PARD3: variants seen among roughly 807,000 people sequenced by gnomAD.
The protein encoded by PARD3 is par-3 family cell polarity regulator.
In PARD3, 75 loss-of-function variants were observed where a neutral mutation model predicts 155.4. The ratio of observed to expected loss-of-function variants is 0.48; its 90% CI spans 0.40 to 0.58. PARD3 has a LOEUF of 0.58. PARD3 is among the 20% of genes least tolerant of loss of function. PARD3 has a pLI of 0.00. For missense variants in PARD3, 1,642 were observed against 1,721.7 expected (o/e 0.95, Z 0.82); for synonymous variants, 576 against 610.5 (o/e 0.94, Z 0.83).
At chr10:34,286,083 A>C (rs949974653) in intron 20 of PARD3, among the ~76,000 whole-genome samples, 2 of 152,358 alleles carry the variant, frequency 1.3e-5, no homozygotes, top group East Asian at 3.9e-4. Flanking sequence ...AAAATAAAAG[A>C]CTTTGCACTA....
intron 2 of PARD3, among the ~76,000 whole-genome samples, chr10:34,539,819 T>A (rs2083476603): frequency 1.3e-5 from 2 of 152,210 alleles, no homozygotes; most frequent in Admixed American, 6.5e-5. Context: ...CCCATTGGCT[T>A]CCTGAAATAG....
intron 22 of PARD3, among the ~76,000 whole-genome samples, chr10:34,134,673 A>G (rs1947800471): frequency 6.6e-6 from 1 of 152,194 alleles, no homozygotes; most frequent in Non-Finnish European, 1.5e-5. Context: ...AATACTCTAG[A>G]GAAAGCTGGC....
chr10:34,702,840 C>A (rs1019560432), intron 1 of PARD3, among the ~76,000 whole-genome samples: 2 of 152,050 alleles, frequency 1.3e-5, no homozygotes, highest in Admixed American at 1.3e-4. Flanking sequence ...TAGGTCAGAG[C>A]CAACCATGGA....
chr10:34,229,676 G>GT (rs769909900), intron 22 of PARD3, among the ~76,000 whole-genome samples: 1 of 115,254 alleles, frequency 8.7e-6, no homozygotes, highest in Non-Finnish European at 2.2e-5. Context: ...GTGTGTGTGT[G>GT]TGTGTGTGTG....
intron 4 of PARD3, among the ~76,000 whole-genome samples, chr10:34,465,273 C>A (rs1055288675): frequency 6.6e-6 from 1 of 152,082 alleles, no homozygotes; most frequent in African/African-American, 2.4e-5. Flanking sequence ...TCTATATACC[C>A]TTCATTACCG....
chr10:34,216,315 T>C (rs1028470131), intron 22 of PARD3, among the ~76,000 whole-genome samples: 1 of 152,204 alleles, frequency 6.6e-6, no homozygotes, highest in Non-Finnish European at 1.5e-5. Context: ...GATGATCTCT[T>C]TGGAAATTTT....
At chr10:34,488,554 C>G (rs1397040006) in intron 3 of PARD3, 1 of 152,218 alleles carries the variant, frequency 6.6e-6, no homozygotes, top group African/African-American at 2.4e-5. Context: ...AAGTGGGCCT[C>G]TCACGGACAC....
chr10:34,545,565 C>CT (rs1295661916), intron 2 of PARD3, among the ~76,000 whole-genome samples: 3 of 151,968 alleles, frequency 2.0e-5, no homozygotes, highest in African/African-American at 7.2e-5. Flanking sequence ...ACTTTATATC[C>CT]TTTTTTTGAG....
At chr10:34,602,173 C>T (rs2089841769) in intron 2 of PARD3, among the ~76,000 whole-genome samples, 1 of 152,154 alleles carries the variant, frequency 6.6e-6, no homozygotes, top group Non-Finnish European at 1.5e-5. Flanking sequence ...TTGCAGAAGA[C>T]TCAAAAGAGA....
chr10:34,657,386 A>G (rs1316230141), intron 2 of PARD3, among the ~76,000 whole-genome samples: 2 of 152,262 alleles, frequency 1.3e-5, no homozygotes, highest in South Asian at 2.1e-4. Flanking sequence ...TGAAATAATT[A>G]TTGTCCAAAA....
chr10:34,447,023 T>G (rs1034117553), intron 5 of PARD3, among the ~76,000 whole-genome samples: 2 of 152,186 alleles, frequency 1.3e-5, no homozygotes, highest in African/African-American at 4.8e-5. Context: ...CACCTTGCTT[T>G]CTATCCATAT....
chr10:34,790,715 C>T (rs528251518), intron 1 of PARD3, among the ~76,000 whole-genome samples: 1 of 152,128 alleles, frequency 6.6e-6, no homozygotes, highest in Non-Finnish European at 1.5e-5. Flanking sequence ...AATATTCCAG[C>T]AAATGTATCC....
chr10:34,163,883 C>T (rs920464738), intron 22 of PARD3, among the ~76,000 whole-genome samples: 3 of 152,142 alleles, frequency 2.0e-5, no homozygotes, highest in African/African-American at 7.2e-5. Flanking sequence ...ATAATGAATT[C>T]TTGTTATTCA....
chr10:34,287,351 C>T (rs932281973), intron 20 of PARD3, among the ~76,000 whole-genome samples: 15 of 151,976 alleles, frequency 9.9e-5, no homozygotes, highest in Non-Finnish European at 1.3e-4. Context: ...GCCATGTTGA[C>T]TTACTGATTT....
At chr10:34,753,612 T>C (rs1328668572) in intron 1 of PARD3, among the ~76,000 whole-genome samples, 1 of 152,240 alleles carries the variant, frequency 6.6e-6, no homozygotes, top group African/African-American at 2.4e-5. Context: ...TTTAGCCTAC[T>C]TATTGATAAA....
chr10:34,124,958 G>A (rs1947196707), intron 23 of PARD3, among the ~76,000 whole-genome samples: 2 of 152,202 alleles, frequency 1.3e-5, no homozygotes, highest in African/African-American at 4.8e-5. Context: ...GCCTTTGGCT[G>A]AGGGACAGGT....
chr10:34,519,743 G>A (rs139010280), intron 2 of PARD3, among the ~76,000 whole-genome samples: 11 of 152,036 alleles, frequency 7.2e-5, no homozygotes, highest in Admixed American at 6.6e-4. Context: ...GAACCCAGAA[G>A]GCGGAGGGTG....
intron 22 of PARD3, among the ~76,000 whole-genome samples, 200 bp from the exon 23 acceptor site, chr10:34,131,783 T>C (rs1401263435): frequency 6.6e-6 from 1 of 152,066 alleles, no homozygotes; most frequent in Non-Finnish European, 1.5e-5. Context: ...TAGACAGATA[T>C]TTGAGAGGGT....
intron 3 of PARD3, among the ~76,000 whole-genome samples, chr10:34,476,390 G>A (rs1163398071): frequency 6.6e-6 from 1 of 152,098 alleles, no homozygotes; most frequent in Non-Finnish European, 1.5e-5. Context: ...CTCAGGTCCT[G>A]GGCACCACTG....
Sources: gnomAD v4.1 joint callset for allele counts (sites outside exome capture counted in the v4.1 genomes callset) on GRCh38, gnomAD v4.1.1 for gene constraint, MANE v1.5 for transcripts, NCBI Gene and HGNC (gene_info 2026-07-23, HGNC 2026-07-21) for gene names.